Variants in EPHA7 observed in about 807,000 individuals in gnomAD.
EPHA7 encodes EPH receptor A7.
In EPHA7, 25 loss-of-function variants were observed where a neutral mutation model predicts 112.6. That is an observed-to-expected ratio of 0.22 (90% CI 0.16 to 0.31). EPHA7 has a LOEUF of 0.31. Among genes scored for constraint, EPHA7 ranks in the 10% least tolerant of loss-of-function variants. The pLI, the probability that EPHA7 is intolerant of heterozygous loss-of-function variation, is 1.00. For synonymous variants in EPHA7, 437 were observed against 406.5 expected (o/e 1.07, Z -0.90); for missense variants, 962 against 1,212.6 (o/e 0.79, Z 3.07).
intron 3 of EPHA7, among the ~76,000 whole-genome samples, chr6:93,404,316 A>G (rs1778582938): frequency 6.6e-6 from 1 of 152,010 alleles, no homozygotes; most frequent in African/African-American, 2.4e-5. Flanking sequence ...TGATAAATGA[A>G]AGAAAATGTT....
intron 8 of EPHA7, 131 bp from the exon 9 acceptor site, chr6:93,264,046 G>C: frequency 1.9e-6 from 1 of 531,954 alleles, no homozygotes; most frequent in Non-Finnish European, 3.1e-6. Flanking sequence ...AATCCATTTA[G>C]TAATAATATA....
At chr6:93,272,804 A>G (rs1355405199) in intron 5 of EPHA7, among the ~76,000 whole-genome samples, 1 of 152,020 alleles carries the variant, frequency 6.6e-6, no homozygotes, top group Non-Finnish European at 1.5e-5. Flanking sequence ...TACACTTTTT[A>G]AAAGAAAAAA....
rs1458662704 is a variant in EPHA7 at position 93,381,957 on chromosome 6, TA to T, written c.833-23547del. On this transcript the variant is annotated intron_variant, in intron 3 of 16. Transcript: ENST00000369303. ...TTTAATCCAGCTTTCTATGCCTAGA[TA>T]ATCATTTCGCCAAATGTGTTCACAA... 2.0e-5 allele frequency among the ~76,000 whole-genome samples: 3 copies of T among 152,278 alleles called. No individual in the cohort carries two copies. In the East Asian group the frequency reaches 5.8e-4, roughly 29 times the overall value.
chr6:93,243,966 C>T (rs1454935848), intron 16 of EPHA7, among the ~76,000 whole-genome samples: 1 of 152,004 alleles, frequency 6.6e-6, no homozygotes, highest in Admixed American at 6.6e-5. Flanking sequence ...AAAATTGGAA[C>T]TCATCAATGA....
In EPHA7 at chr6:93,269,619, A is replaced by G. The variant is rs1771112187; in HGVS notation, c.1491T>C (p.Ser497=). The G allele has an allele frequency of 6.3e-7, 1 of 1,594,522 alleles. No homozygotes were observed. ...TCAGATTATTAATGGAGGCTGAAGTAGACTTGGTTTTTACTGTTGAGTAGG... is the reference window on the plus strand; with the variant it reads ...TCAGATTATTAATGGAGGCTGAAGTGGACTTGGTTTTTACTGTTGAGTAGG... The part of the protein sequence containing the change: ...ERTYSTVKTK[S]TSASINNLKP... Residue 497 remains serine, a synonymous_variant, in exon 7 of 17, where the codon TCT becomes TCC. Transcript: ENST00000369303.
At chr6:93,266,169 AG>A (rs1770925746) in intron 7 of EPHA7, among the ~76,000 whole-genome samples, 1 of 151,804 alleles carries the variant, frequency 6.6e-6, no homozygotes, top group Non-Finnish European at 1.5e-5. Context: ...GATGACTTCA[AG>A]TCTTTTAAAA....
At chr6:93,363,044 C>T (rs994233979) in intron 3 of EPHA7, among the ~76,000 whole-genome samples, 1 of 152,114 alleles carries the variant, frequency 6.6e-6, no homozygotes, top group Non-Finnish European at 1.5e-5. Context: ...ACATACTTCA[C>T]ACCATCCTGA....
At chr6:93,358,594 A>C (rs1776079872) in intron 3 of EPHA7, among the ~76,000 whole-genome samples, 183 bp from the exon 4 acceptor site, 1 of 152,226 alleles carries the variant, frequency 6.6e-6, no homozygotes, top group South Asian at 2.1e-4. Context: ...ATCTTAAAAC[A>C]AAATAATACA....
intron 5 of EPHA7, among the ~76,000 whole-genome samples, chr6:93,274,669 C>T (rs1771386264): frequency 6.6e-6 from 1 of 151,670 alleles, no homozygotes; most frequent in Non-Finnish European, 1.5e-5. Context: ...TATCAAGTCA[C>T]ACATTTTAAG....
At chr6:93,409,867 G>A (rs1681589564) in intron 3 of EPHA7, 1 of 145,078 alleles carries the variant, frequency 6.9e-6, no homozygotes. Flanking sequence ...CTTTACTTTG[G>A]CCCACTTTCA....
chr6:93,407,583 G>A (rs997600651), intron 3 of EPHA7, among the ~76,000 whole-genome samples: 4 of 152,070 alleles, frequency 2.6e-5, no homozygotes, highest in East Asian at 1.9e-4. Context: ...TTATAACAAC[G>A]CACACATATT....
At chr6:93,359,874 G>GAGAGAGATAGATAGAT (rs1462833873) in intron 3 of EPHA7, among the ~76,000 whole-genome samples, 5 of 127,934 alleles carry the variant, frequency 3.9e-5, no homozygotes, top group Non-Finnish European at 6.8e-5. Context: ...GAGAGAGAGA[G>GAGAGAGATAGATAGAT]AGATAGATAG....
chr6:93,342,819 C>T (rs969038476), intron 5 of EPHA7, among the ~76,000 whole-genome samples: 1 of 151,576 alleles, frequency 6.6e-6, no homozygotes, highest in African/African-American at 2.4e-5. Flanking sequence ...AATTAAATGA[C>T]AGTTATTAGA....
At chr6:93,304,661 A>C (rs1226372277) in intron 5 of EPHA7, among the ~76,000 whole-genome samples, 1 of 152,108 alleles carries the variant, frequency 6.6e-6, no homozygotes, top group African/African-American at 2.4e-5. Context: ...TTCAACCCAG[A>C]GTTAGATTAT....
intron 2 of EPHA7, among the ~76,000 whole-genome samples, chr6:93,414,358 T>A (rs1034543621): frequency 2.0e-5 from 3 of 151,942 alleles, no homozygotes; most frequent in African/African-American, 7.2e-5. Context: ...ACATGGTGAT[T>A]ATACTAGAAA....
At chr6:93,261,402 C>A (rs1770683511) in intron 9 of EPHA7, among the ~76,000 whole-genome samples, 1 of 151,500 alleles carries the variant, frequency 6.6e-6, no homozygotes, top group Admixed American at 6.6e-5. Flanking sequence ...AAAAAGACAG[C>A]AACTTGTAAA....
At chr6:93,397,676 C>T (rs1778247627) in intron 3 of EPHA7, among the ~76,000 whole-genome samples, 1 of 151,890 alleles carries the variant, frequency 6.6e-6, no homozygotes, top group Non-Finnish European at 1.5e-5. Context: ...GCAAGCGATA[C>T]TCAGTTATCT....
At chr6:93,335,367 G>A (rs185007574) in intron 5 of EPHA7, among the ~76,000 whole-genome samples, 1 of 152,170 alleles carries the variant, frequency 6.6e-6, no homozygotes, top group Admixed American at 6.6e-5. Context: ...GGGTTGTAAT[G>A]TAAGTGTTTT....
Position 93,240,718 on chromosome 6 carries a change from A to G in EPHA7, c.*2708T>C, listed in dbSNP as rs1349845891. 9.3e-6 allele frequency: 2 copies of G among 214,108 alleles called. No individual in the cohort carries two copies. Among genetic ancestry groups the G allele is most frequent in the East Asian group, 6.9e-5 (1 of 14,396 alleles). The allele number at this position is 214,108 out of a possible 1,614,324, so 13.3% of individuals were successfully genotyped here. On this transcript the variant is annotated 3_prime_UTR_variant, in exon 17 of 17. Transcript: ENST00000369303. ...TCTATTTTTGACGTTCACTTTCTCT[A>G]CTTTTCCTCCCCTGAGCACTAATTT...
Sources: gnomAD v4.1 joint callset for allele counts (sites outside exome capture counted in the v4.1 genomes callset) on GRCh38, gnomAD v4.1.1 for gene constraint, MANE v1.5 for transcripts, NCBI Gene and HGNC (gene_info 2026-07-23, HGNC 2026-07-21) for gene names.